ATAD5: variants seen among roughly 807,000 people sequenced by gnomAD.
The protein encoded by ATAD5 is ATPase family AAA domain containing 5.
ATAD5 carries 58 observed loss-of-function variants against 176.9 expected under a neutral mutation model. That is an observed-to-expected ratio of 0.33 (90% CI 0.27 to 0.41). ATAD5 has a LOEUF of 0.41. ATAD5 is among the 10% of genes least tolerant of loss of function. The probability of loss-of-function intolerance (pLI) is 1.00; values close to 1 mark genes in which losing one functional copy is unlikely to be tolerated. For missense variants in ATAD5, 1,789 were observed against 2,094.1 expected, an observed-to-expected ratio of 0.85 and a Z score of 2.84; for synonymous variants, 640 against 712.6, an observed-to-expected ratio of 0.90 and a Z score of 1.62.
chr17:30,879,826 T>C (rs1267763035), intron 18 of ATAD5, among the ~76,000 whole-genome samples: 1 of 151,916 alleles, frequency 6.6e-6, no homozygotes, highest in Non-Finnish European at 1.5e-5. Flanking sequence ...CCTCCCAAAG[T>C]GCTGGGATTA....
intron 6 of ATAD5, among the ~76,000 whole-genome samples, chr17:30,847,338 A>G (rs1481345098): frequency 6.6e-6 from 1 of 151,896 alleles, no homozygotes; most frequent in Non-Finnish European, 1.5e-5. Context: ...AGAGAGAGAG[A>G]GAGAGAGAGA....
At chr17:30,860,712 T>G in intron 10 of ATAD5, 100 bp downstream of exon 10, 3 of 938,546 alleles carry the variant, frequency 3.2e-6, no homozygotes, top group Non-Finnish European at 4.5e-6. Flanking sequence ...TTTAAAAAAT[T>G]TTAATTCAAT....
intron 5 of ATAD5, 88 bp from the exon 6 acceptor site, chr17:30,844,747 C>CA (rs569986111): frequency 0.034 from 11,480 of 342,264 alleles, 108 homozygotes; most frequent in South Asian, 0.044. Context: ...GACTCCATCT[C>CA]AAAAAAAAAA....
At chr17:30,836,095 T>C in intron 2 of ATAD5, 47 bp downstream of exon 2, 4 of 1,445,598 alleles carry the variant, frequency 2.8e-6, no homozygotes, top group Non-Finnish European at 3.7e-6. Context: ...GCATGTATTA[T>C]TAGCTGGGGA....
chr17:30,887,630 G>A (rs567948818), intron 19 of ATAD5, among the ~76,000 whole-genome samples: 2 of 152,152 alleles, frequency 1.3e-5, no homozygotes, highest in African/African-American at 2.4e-5. Context: ...GCAAGAAAGC[G>A]AGACCCCTGT....
At chr17:30,855,996 G>T (rs994771996) in intron 7 of ATAD5, among the ~76,000 whole-genome samples, 4 of 151,872 alleles carry the variant, frequency 2.6e-5, no homozygotes, top group African/African-American at 4.8e-5. Flanking sequence ...AGGCTTTCTT[G>T]TTATTTTTAC....
Position 30,865,713 on chromosome 17 carries a change from C to G in ATAD5, c.3146C>G (p.Thr1049Ser). ...TTTTTTTTTGCTTTAGATTCTGGAACTGAAGACATGCTTTGGACAGAAAAG... is the reference window on the plus strand; with the variant it reads ...TTTTTTTTTGCTTTAGATTCTGGAAGTGAAGACATGCTTTGGACAGAAAAG... Reference protein sequence around the residue: ...IKLDSSKDSGTEDMLWTEKYQ... With the variant: ...IKLDSSKDSGSEDMLWTEKYQ... Residue 1049 changes from threonine (T) to serine (S), a missense_variant, in exon 11 of 23, where the codon ACT becomes AGT. Transcript: ENST00000321990. 1 of 1,546,230 alleles carries G rather than the reference C, an allele frequency of 6.5e-7. No homozygotes were observed. The highest frequency in any genetic ancestry group is 8.7e-7 in the Non-Finnish European group (1 of 1,151,458).
intron 19 of ATAD5, among the ~76,000 whole-genome samples, chr17:30,890,781 A>T: frequency 6.6e-6 from 1 of 152,140 alleles, no homozygotes; most frequent in East Asian, 1.9e-4. Flanking sequence ...GCCCTTAAAA[A>T]AAAAACAGAT....
chr17:30,848,988 A>G (rs1474800731), intron 6 of ATAD5, among the ~76,000 whole-genome samples: 2 of 152,262 alleles, frequency 1.3e-5, no homozygotes, highest in East Asian at 3.9e-4. Flanking sequence ...CTTGTGCATC[A>G]GCCTCCTGAG....
intron 19 of ATAD5, among the ~76,000 whole-genome samples, 178 bp from the exon 20 acceptor site, chr17:30,892,425 TAAAA>T (rs67654723): frequency 7.5e-6 from 1 of 133,262 alleles, no homozygotes; most frequent in African/African-American, 2.8e-5. Context: ...ACTCTGTCTT[TAAAA>T]AAAAAAAAAA....
intron 19 of ATAD5, among the ~76,000 whole-genome samples, chr17:30,890,071 A>G (rs1056323136): frequency 1.3e-5 from 2 of 151,390 alleles, no homozygotes; most frequent in African/African-American, 4.9e-5. Flanking sequence ...AATTTTTTGT[A>G]GAGACGGGGA....
chr17:30,892,674 A>C lies in ATAD5; in HGVS notation c.4326A>C (p.Lys1442Asn). Residue 1442 changes from lysine to asparagine, a missense_variant, in exon 20 of 23, where the codon AAA becomes AAC. Physicochemically the swap from Lys to Asn is moderately conservative, Grantham distance 94. Transcript: ENST00000321990. ...EHGLDNKIYP[K>N]NTKKKRVDLP... ...GCCTTGATAACAAAATTTACCCTAA[A>C]AATACTAAAAAGAAACGTGTAGACC... 1 of 1,601,648 alleles carries C rather than the reference A, an allele frequency of 6.2e-7. No individual in the cohort carries two copies. The highest frequency in any genetic ancestry group is 2.3e-5 in the East Asian group (1 of 44,350).
At position 30,835,752 on chromosome 17, in the gene ATAD5, CAAT is replaced by C. The variant is rs759813764; in HGVS notation, c.1677_1679del (p.Asn559del). 6.2e-7 allele frequency: 1 copy of C among 1,613,310 alleles called. No homozygotes were observed. Among genetic ancestry groups the C allele is most frequent in the South Asian group, 1.1e-5 (1 of 90,868 alleles). On this transcript the variant is annotated inframe_deletion, in exon 2 of 23. Transcript: ENST00000321990. ...TTCTAAAGGTTTCCTCTCTGTGTAACAATAATAAATTGTCAAGAAAAACCAGCA... is the reference window on the plus strand; with the variant it reads ...TTCTAAAGGTTTCCTCTCTGTGTAACAATAAATTGTCAAGAAAAACCAGCA...
chr17:30,878,777 G>A (rs1187868880), intron 17 of ATAD5, among the ~76,000 whole-genome samples: 1 of 127,304 alleles, frequency 7.9e-6, no homozygotes, highest in Admixed American at 9.3e-5. Flanking sequence ...TGTTGCCCAG[G>A]CTGGAGTGCA....
intron 18 of ATAD5, among the ~76,000 whole-genome samples, chr17:30,880,584 G>A (rs145820429): frequency 0.027 from 3,971 of 149,502 alleles, 160 homozygotes; most frequent in African/African-American, 0.089. Context: ...CTCCAGCCTG[G>A]GCAACAAGAG....
At position 30,834,148 on chromosome 17, in the gene ATAD5, C is replaced by T; in HGVS notation, c.67C>T (p.Pro23Ser). 6.5e-7 allele frequency: 1 copy of T among 1,535,036 alleles called. No individual in the cohort carries two copies. The highest frequency in any genetic ancestry group is 8.7e-7 in the Non-Finnish European group (1 of 1,147,094). ...PPPVKDCEIE[P>S]CKKRKKDDDT... ...GCCTTTTTCTCTTTTAAATTGCCAG[C>T]CATGCAAAAAGCGAAAGAAAGATGA... Residue 23 changes from proline to serine, a missense_variant and splice_region_variant, in exon 2 of 23, where the codon CCA (proline) becomes TCA (serine). Pro to Ser is a moderately conservative substitution (Grantham distance 74, BLOSUM62 -1). Coordinates refer to ENST00000321990, the MANE Select transcript of ATAD5 (RefSeq NM_024857.5).
In ATAD5 at chr17:30,834,301, G is replaced by A. The variant is rs758509618; in HGVS notation, c.220G>A (p.Glu74Lys). The A allele has an allele frequency of 1.9e-6, 3 of 1,613,486 alleles. No homozygotes were observed. The highest frequency in any genetic ancestry group is 1.7e-5 in the Admixed American group (1 of 59,902). ...TTTTAGAAAGACTTCACCCACAAAT[G>A]AGAAGACACAATTAGGGAAAGAGTG... ...DYFRKTSPTN[E>K]KTQLGKECKI... Residue 74 changes from glutamate (E) to lysine (K), a missense_variant, in exon 2 of 23, where the codon GAG becomes AAG. By Grantham distance (56) the Glu-to-Lys change is moderately conservative. Coordinates refer to ENST00000321990, the MANE Select transcript of ATAD5 (RefSeq NM_024857.5).
At position 30,855,212 on chromosome 17, in the gene ATAD5, T is replaced by C. The variant is rs1907222304; in HGVS notation, c.2520T>C (p.Ser840=). 1.9e-6 allele frequency: 3 copies of C among 1,613,944 alleles called. No individual in the cohort carries two copies. In the African/African-American group the frequency reaches 4.0e-5, roughly 22 times the overall value. ...QCKAKRDFLM[S]GLPDLLKRQI... is the part of the protein sequence containing the mutation. ...AAGCAAAGCGTGACTTCCTAATGAG[T>C]GGTTTGCCAGATTTGTTGAAACGGC... Residue 840 remains serine (S), a synonymous_variant, in exon 7 of 23, where the codon AGT becomes AGC. Transcript: ENST00000321990.
Position 30,835,461 on chromosome 17 carries a change from T to C in ATAD5, c.1380T>C (p.Asn460=). The change falls in exon 2 of 23, where the codon AAT becomes AAC. Residue 460 remains asparagine, a synonymous_variant. Transcript: ENST00000321990. ...TCCAAATGGTTTCAAAAAATGGCAA[T>C]TTACAGTTACACACTGATAAAGGAA... The part of the protein sequence containing the change: ...SGIQMVSKNG[N]LQLHTDKGSF... 1 of 1,611,290 alleles carries C rather than the reference T, an allele frequency of 6.2e-7. No individual in the cohort carries two copies. The highest frequency in any genetic ancestry group is 2.2e-5 in the East Asian group (1 of 44,820).
Sources: gnomAD v4.1 joint callset for allele counts (sites outside exome capture counted in the v4.1 genomes callset) on GRCh38, gnomAD v4.1.1 for gene constraint, MANE v1.5 for transcripts, NCBI Gene and HGNC (gene_info 2026-07-23, HGNC 2026-07-21) for gene names.